The following USP24 variants were observed in gnomAD, a reference collection of about 807,000 sequenced individuals.
USP24 encodes ubiquitin specific peptidase 24.
USP24 carries 97 observed loss-of-function variants against 361.6 expected under a neutral mutation model. The ratio of observed to expected loss-of-function variants is 0.27; its 90% confidence interval spans 0.23 to 0.32. The LOEUF (loss-of-function observed/expected upper bound fraction) is 0.32, where lower values mean the gene tolerates loss of function less well. Ranked by LOEUF, USP24 falls within the 10% of genes least tolerant of loss-of-function variation. The pLI, the probability that USP24 is intolerant of heterozygous loss-of-function variation, is 1.00. For missense variants in USP24, 2,353 were observed against 3,165.6 expected, an observed-to-expected ratio of 0.74 and a Z score of 6.16; for synonymous variants, 1,098 against 1,124.6, an observed-to-expected ratio of 0.98 and a Z score of 0.47.
intron 19 of USP24, among the ~76,000 whole-genome samples, chr1:55,146,553 A>G (rs546162723): frequency 1.3e-5 from 2 of 152,318 alleles, no homozygotes; most frequent in Non-Finnish European, 2.9e-5. Flanking sequence ...TTACAAAAAA[A>G]TGTGGCCAGG....
intron 45 of USP24, 33 bp downstream of exon 45, chr1:55,099,738 A>AGG: frequency 7.0e-7 from 1 of 1,437,340 alleles, no homozygotes; most frequent in South Asian, 1.2e-5. Context: ...TTAGAGTTTG[A>AGG]GGGAGTTAGA....
chr1:55,115,507 A>G lies in USP24; in HGVS notation c.4508+5089T>C, dbSNP rs1009333830. Among the ~76,000 whole-genome samples the G allele has an allele frequency of 1.9e-4, 28 of 149,270 alleles. 1 individual carries two copies. The highest frequency in any genetic ancestry group is 6.8e-4 in the African/African-American group (28 of 41,216). On this transcript the variant is annotated intron_variant, in intron 38 of 67. Transcript: ENST00000294383. Reference sequence around the variant, plus strand: ...CGAGACTCCGCCTCAAAAAAAAAAAAAAAAAAAAAGGAAACAACAGATGCT... The same window carrying G: ...CGAGACTCCGCCTCAAAAAAAAAAAGAAAAAAAAAGGAAACAACAGATGCT...
rs1646342413 is a variant in USP24 at position 55,123,545 on chromosome 1, C to T, written c.4178G>A (p.Cys1393Tyr). 2 of 1,601,572 alleles carry T rather than the reference C, an allele frequency of 1.2e-6. No homozygotes were observed. The highest frequency in any genetic ancestry group is 1.7e-5 in the Admixed American group (1 of 58,236). The stretch of plus-strand genomic sequence containing the variant: ...GGTGGATACAGACTGTTGTCGAACA[C>T]AGATTCCCGCATGCAGGGCTACTGG... ...GEPVALHAGI[C>Y]VRQQSVSTKD... is the part of the protein sequence containing the mutation. Residue 1393 changes from cysteine (C) to tyrosine (Y), a missense_variant, in exon 36 of 68, where the codon TGT (cysteine) becomes TAT (tyrosine). Cys to Tyr is a radical substitution (Grantham distance 194, BLOSUM62 -2). Coordinates refer to ENST00000294383, the MANE Select transcript of USP24 (RefSeq NM_015306.3).
chr1:55,094,696 T>TAAC (rs376739370), intron 51 of USP24, among the ~76,000 whole-genome samples: 164 of 108,988 alleles, frequency 1.5e-3, no homozygotes, highest in Middle Eastern at 6.1e-3. Flanking sequence ...CTGCTAACAT[T>TAAC]AAAAAAAAAA....
intron 38 of USP24, among the ~76,000 whole-genome samples, chr1:55,113,684 G>C (rs143967368): frequency 6.6e-6 from 1 of 152,144 alleles, no homozygotes; most frequent in Non-Finnish European, 1.5e-5. Context: ...TATCCACCAC[G>C]ATCAAGTTGG....
At chr1:55,132,408 T>C in intron 31 of USP24, 137 bp downstream of exon 31, 14 of 1,101,838 alleles carry the variant, frequency 1.3e-5, no homozygotes, top group Non-Finnish European at 1.7e-5. Context: ...CAATTTATAA[T>C]CTATTTCTTA....
chr1:55,101,052 G>A, intron 43 of USP24, 88 bp from the exon 44 acceptor site: 1 of 1,433,306 alleles, frequency 7.0e-7, no homozygotes, highest in African/African-American at 1.5e-5. Flanking sequence ...TACCCACATT[G>A]CTTTTTTAGA....
chr1:55,106,004 G>A lies in USP24; in HGVS notation c.4880+142C>T. 6.9e-6 allele frequency: 5 copies of A among 723,764 alleles called. No homozygotes were observed. In the South Asian group the frequency reaches 8.2e-5, roughly 12 times the overall value. 44.8% of individuals were successfully genotyped at this position (723,764 alleles called of 1,614,324 possible). A position where few individuals can be genotyped will look rare whatever the true frequency, so the allele number is the denominator to read the frequency against. ...CAGGCTTTATGCTAAGCCGCTTCAT[G>A]TGCATTTCTTCATTTAGTGGATAAT... On this transcript the variant is annotated intron_variant, in intron 41 of 67. Coordinates refer to ENST00000294383, the MANE Select transcript of USP24 (RefSeq NM_015306.3).
intron 34 of USP24, among the ~76,000 whole-genome samples, chr1:55,124,961 TC>T (rs1007590210): frequency 6.6e-6 from 1 of 152,196 alleles, no homozygotes; most frequent in African/African-American, 2.4e-5. Context: ...TGAACAAGTC[TC>T]CTTTCTCCAA....
At chr1:55,197,299 TATC>T (rs1230202566) in intron 1 of USP24, among the ~76,000 whole-genome samples, 1 of 152,210 alleles carries the variant, frequency 6.6e-6, no homozygotes, top group Non-Finnish European at 1.5e-5. Context: ...CCACAGTACT[TATC>T]ATCATCTGAC....
intron 10 of USP24, 135 bp downstream of exon 10, chr1:55,158,743 A>T: frequency 1.3e-6 from 1 of 786,086 alleles, no homozygotes; most frequent in Non-Finnish European, 1.7e-6. Flanking sequence ...AACATTTTAT[A>T]CACAATCATT....
intron 1 of USP24, among the ~76,000 whole-genome samples, chr1:55,209,251 A>G (rs2100951236): frequency 6.6e-6 from 1 of 152,244 alleles, no homozygotes; most frequent in South Asian, 2.1e-4. Context: ...TTCTTTATCC[A>G]TCCAACTTCT....
Position 55,143,072 on chromosome 1 carries a change from T to C in USP24, c.2487A>G (p.Ile829Met). 2 of 1,532,156 alleles carry C rather than the reference T, an allele frequency of 1.3e-6. No homozygotes were observed. The highest frequency in any genetic ancestry group is 1.7e-4 in the Middle Eastern group (1 of 5,928). 94.9% of individuals were successfully genotyped at this position (1,532,156 alleles called of 1,614,324 possible). ...TTTCTTCATCAGGTGATTCCATGGC[T>C]ATTTTCCAAATGAAATCCATTCCTA... ...ELIGMDFIWKIAMESPDEEIA... is the reference protein window; with the variant it reads ...ELIGMDFIWKMAMESPDEEIA... The change falls in exon 22 of 68, where the codon ATA (isoleucine) becomes ATG (methionine). Residue 829 changes from isoleucine (I) to methionine (M), a missense_variant. By Grantham distance (10) the Ile-to-Met change is conservative (BLOSUM62 1). Coordinates refer to ENST00000294383, the MANE Select transcript of USP24 (RefSeq NM_015306.3).
At chr1:55,161,809 A>T (rs932324110) in intron 8 of USP24, among the ~76,000 whole-genome samples, 1 of 152,208 alleles carries the variant, frequency 6.6e-6, no homozygotes, top group Non-Finnish European at 1.5e-5. Flanking sequence ...AGAAGTGAGC[A>T]ACTGAGCCAG....
Position 55,100,890 on chromosome 1 carries a change from T to G in USP24, c.5220A>C (p.Gly1740=). The change falls in exon 44 of 68, where the codon GGA becomes GGC. Residue 1740 remains glycine, a synonymous_variant. Coordinates refer to ENST00000294383, the MANE Select transcript of USP24 (RefSeq NM_015306.3). ...ACTGCAGCTTGCTTTCCATTAAATG[T>G]CCAAAGAGAGACTGCACTTGGTAAA... ...SVFYQVQSLF[G]HLMESKLQYY... is the part of the protein sequence containing the mutation. The G allele has an allele frequency of 6.2e-7, 1 of 1,613,702 alleles. No individual in the cohort carries two copies.
intron 59 of USP24, among the ~76,000 whole-genome samples, chr1:55,080,931 G>T (rs955786490): frequency 6.6e-6 from 1 of 152,126 alleles, no homozygotes; most frequent in South Asian, 2.1e-4. Context: ...ATTATGTTTT[G>T]AGTATTTTCA....
In USP24 at chr1:55,121,433, T is replaced by C; in HGVS notation, c.4347+3A>G. On this transcript the variant is annotated splice_donor_region_variant and intron_variant, in intron 37 of 67. Coordinates refer to ENST00000294383, the MANE Select transcript of USP24 (RefSeq NM_015306.3). ...TTTTGTAAGTAATGTGAAAAATCCT[T>C]ACCTCAGCACTTGGTGATCCGAGCA... 1.2e-6 allele frequency: 2 copies of C among 1,612,454 alleles called. No homozygotes were observed. Among genetic ancestry groups the C allele is most frequent in the Non-Finnish European group, 1.7e-6 (2 of 1,179,388 alleles).
At chr1:55,121,542 A>G in intron 36 of USP24, 36 bp from the exon 37 acceptor site, 1 of 1,573,782 alleles carries the variant, frequency 6.4e-7, no homozygotes, top group Non-Finnish European at 8.7e-7. Context: ...GGTGTGTGAA[A>G]CAAGTTAGGT....
chr1:55,112,949 T>G (rs955680211), intron 38 of USP24, among the ~76,000 whole-genome samples: 8 of 152,210 alleles, frequency 5.3e-5, no homozygotes, highest in African/African-American at 1.7e-4. Context: ...TGGGTGCTCC[T>G]GTATTTGGTG....
Sources: gnomAD v4.1 joint callset for allele counts (sites outside exome capture counted in the v4.1 genomes callset) on GRCh38, gnomAD v4.1.1 for gene constraint, MANE v1.5 for transcripts, NCBI Gene and HGNC (gene_info 2026-07-23, HGNC 2026-07-21) for gene names.